Variants in CTNND2 observed in about 807,000 individuals in gnomAD.
CTNND2 encodes catenin delta-2.
CTNND2 carries 22 observed loss-of-function variants against 144.4 expected under a neutral mutation model. The ratio of observed to expected loss-of-function variants is 0.15; its 90% CI spans 0.11 to 0.22. The LOEUF is 0.22. Among genes scored for constraint, CTNND2 ranks in the 10% least tolerant of loss-of-function variants. The pLI, the probability that CTNND2 is intolerant of heterozygous loss-of-function variation, is 1.00. For missense variants in CTNND2, 1,353 were observed against 1,618.8 expected, an observed-to-expected ratio of 0.84 and a Z score of 2.82; for synonymous variants, 751 against 695.6, an observed-to-expected ratio of 1.08 and a Z score of -1.25.
At chr5:11,795,137 T>C (rs947770549) in intron 1 of CTNND2, among the ~76,000 whole-genome samples, 1 of 152,166 alleles carries the variant, frequency 6.6e-6, no homozygotes, top group Non-Finnish European at 1.5e-5. Context: ...CCTCCTGTGT[T>C]AGACAGTGTA....
chr5:11,853,109 A>C (rs1049722490), intron 1 of CTNND2, among the ~76,000 whole-genome samples: 1 of 152,194 alleles, frequency 6.6e-6, no homozygotes. Flanking sequence ...TTGCTCCCCA[A>C]CTTCTCACCA....
chr5:11,045,118 T>C (rs1372226521), intron 16 of CTNND2, among the ~76,000 whole-genome samples: 3 of 152,232 alleles, frequency 2.0e-5, no homozygotes, highest in African/African-American at 2.4e-5. Flanking sequence ...CTGGCATTTA[T>C]TCTGGTGGCT....
chr5:11,415,115 G>C (rs895667190), intron 3 of CTNND2, among the ~76,000 whole-genome samples: 5 of 152,196 alleles, frequency 3.3e-5, no homozygotes, highest in African/African-American at 1.2e-4. Context: ...TAATGGGATT[G>C]TCGGGTTGAA....
intron 18 of CTNND2, among the ~76,000 whole-genome samples, chr5:11,016,863 C>CAGGT (rs960421449): frequency 4.6e-5 from 7 of 152,178 alleles, no homozygotes; most frequent in African/African-American, 1.7e-4. Context: ...CTCTGCCTCC[C>CAGGT]AGGTTCAAGT....
intron 9 of CTNND2, among the ~76,000 whole-genome samples, chr5:11,310,247 T>C (rs1750658781): frequency 6.6e-6 from 1 of 152,036 alleles, no homozygotes. Context: ...TCTGACAGCT[T>C]TTAGTGTGTT....
At chr5:11,360,230 T>C (rs1756308663) in intron 8 of CTNND2, among the ~76,000 whole-genome samples, 1 of 152,060 alleles carries the variant, frequency 6.6e-6, no homozygotes, top group Admixed American at 6.6e-5. Context: ...AAGATGGTGG[T>C]AGGTGGAGTC....
At chr5:11,344,439 C>T (rs578238567) in intron 9 of CTNND2, among the ~76,000 whole-genome samples, 1 of 151,970 alleles carries the variant, frequency 6.6e-6, no homozygotes, top group Non-Finnish European at 1.5e-5. Context: ...TAAGAAAACC[C>T]GACAAGAAAG....
chr5:11,793,333 G>A (rs1246206435), intron 1 of CTNND2, among the ~76,000 whole-genome samples: 1 of 152,120 alleles, frequency 6.6e-6, no homozygotes, highest in Non-Finnish European at 1.5e-5. Context: ...CATCCTTGAT[G>A]CCTTTCATAA....
intron 2 of CTNND2, among the ~76,000 whole-genome samples, chr5:11,575,995 C>T (rs1777946980): frequency 6.6e-6 from 1 of 152,136 alleles, no homozygotes; most frequent in African/African-American, 2.4e-5. Flanking sequence ...CAAACCTACT[C>T]CCACTTCTTC....
intron 13 of CTNND2, among the ~76,000 whole-genome samples, chr5:11,114,637 T>A (rs1426603492): frequency 6.6e-6 from 1 of 152,212 alleles, no homozygotes; most frequent in African/African-American, 2.4e-5. Flanking sequence ...AGGGTCATTT[T>A]GATTCCTTAT....
intron 1 of CTNND2, among the ~76,000 whole-genome samples, chr5:11,839,784 TAGAGAGAG>T (rs113307076): frequency 8.9e-5 from 13 of 145,748 alleles, no homozygotes; most frequent in South Asian, 2.2e-4. Flanking sequence ...TAGACATAGG[TAGAGAGAG>T]AGAGAGAGAG....
intron 3 of CTNND2, among the ~76,000 whole-genome samples, chr5:11,503,835 A>G (rs1433161881): frequency 2.0e-5 from 3 of 152,248 alleles, no homozygotes; most frequent in Non-Finnish European, 4.4e-5. Flanking sequence ...GGATGTTATA[A>G]AGAAGAAGAT....
chr5:11,483,385 C>T (rs1030875899), intron 3 of CTNND2, among the ~76,000 whole-genome samples: 3 of 152,140 alleles, frequency 2.0e-5, no homozygotes, highest in Admixed American at 6.5e-5. Context: ...GACTTCAGAG[C>T]AGCCATGTGA....
At chr5:11,153,995 T>C (rs1279424410) in intron 12 of CTNND2, among the ~76,000 whole-genome samples, 2 of 152,038 alleles carry the variant, frequency 1.3e-5, no homozygotes, top group Non-Finnish European at 2.9e-5. Flanking sequence ...CTTCTACCCA[T>C]AGTTCACCCT....
intron 1 of CTNND2, among the ~76,000 whole-genome samples, chr5:11,768,579 C>T (rs1789735168): frequency 6.6e-6 from 1 of 152,202 alleles, no homozygotes; most frequent in Non-Finnish European, 1.5e-5. Flanking sequence ...GTGTGTGCCA[C>T]CACACCTGGG....
chr5:11,622,722 A>G (rs935572663), intron 2 of CTNND2, among the ~76,000 whole-genome samples: 7 of 152,100 alleles, frequency 4.6e-5, no homozygotes, highest in African/African-American at 9.7e-5. Context: ...ACAAACCTGG[A>G]CCCTCAAAAA....
At chr5:11,581,763 T>A (rs116490416) in intron 2 of CTNND2, among the ~76,000 whole-genome samples, 2 of 152,150 alleles carry the variant, frequency 1.3e-5, no homozygotes, top group African/African-American at 4.8e-5. Context: ...ATTTCTCATA[T>A]CTCAGGTTTC....
chr5:11,412,301 G>A (rs1238477037), intron 3 of CTNND2, among the ~76,000 whole-genome samples: 1 of 152,082 alleles, frequency 6.6e-6, no homozygotes, highest in African/African-American at 2.4e-5. Flanking sequence ...ACATTGTCCA[G>A]TAATTTTCAG....
At chr5:11,234,486 G>A (rs1050784075) in intron 10 of CTNND2, among the ~76,000 whole-genome samples, 5 of 152,228 alleles carry the variant, frequency 3.3e-5, no homozygotes, top group African/African-American at 9.6e-5. Flanking sequence ...CTGGTAAGCA[G>A]GAAAGCCAGC....
Sources: allele counts gnomAD v4.1 joint callset (sites outside exome capture counted in the v4.1 genomes callset), GRCh38; gene constraint gnomAD v4.1.1; transcripts MANE v1.5; gene names NCBI Gene and HGNC (gene_info 2026-07-23, HGNC 2026-07-21).